Variants in STAT2 observed in about 807,000 individuals in gnomAD.
The protein encoded by STAT2 is interferon alpha induced transcriptional activator.
Under a neutral mutation model 122.3 loss-of-function variants are expected in STAT2, and 51 were observed. That is an observed-to-expected ratio of 0.42 (90% CI 0.33 to 0.53). The LOEUF (loss-of-function observed/expected upper bound fraction) is 0.53. Among genes scored for constraint, STAT2 ranks in the 20% least tolerant of loss-of-function variants. The pLI, the probability that STAT2 is intolerant of heterozygous loss-of-function variation, is 0.10. For missense variants in STAT2, 736 were observed against 1,010.3 expected, an observed-to-expected ratio of 0.73 and a Z score of 3.68; for synonymous variants, 351 against 394.9, an observed-to-expected ratio of 0.89 and a Z score of 1.32.
At chr12:56,349,974 G>A (rs1166233541) in intron 13 of STAT2, 123 bp downstream of exon 13, 10 of 836,282 alleles carry the variant, frequency 1.2e-5, no homozygotes, top group Middle Eastern at 4.8e-4. Flanking sequence ...GCTTGAACCC[G>A]GGAGGCGGAG....
Position 56,346,858 on chromosome 12 carries a change from C to T in STAT2, c.1822G>A (p.Gly608Arg). The T allele has an allele frequency of 6.2e-7, 1 of 1,614,186 alleles. No individual in the cohort carries two copies. The highest frequency in any genetic ancestry group is 8.5e-7 in the Non-Finnish European group (1 of 1,180,034). ...FLLRFSESSEGGITCSWVEHQ... is the reference protein window; with the variant it reads ...FLLRFSESSERGITCSWVEHQ... ...TCCACCCAGGAGCAGGTAATGCCCC[C>T]TTCTGACGATTCACTGAAGCGCAGT... The change falls in exon 20 of 24, where the codon GGG (glycine) becomes AGG (arginine). Residue 608 changes from glycine (G) to arginine (R), a missense_variant. Coordinates refer to ENST00000314128, the MANE Select transcript of STAT2 (RefSeq NM_005419.4).
At chr12:56,345,524 A>AAAT (rs1555169410) in intron 22 of STAT2, among the ~76,000 whole-genome samples, 4 of 26,248 alleles carry the variant, frequency 1.5e-4, no homozygotes, top group Admixed American at 5.4e-4. Flanking sequence ...AAAAAAAAAA[A>AAAT]ATATATATAT....
rs11575235 is a variant in STAT2, at chr12:56,350,451, A to T, written c.1095-19T>A. On this transcript the variant is annotated intron_variant, in intron 11 of 23. Coordinates refer to ENST00000314128, the MANE Select transcript of STAT2 (RefSeq NM_005419.4). ...AGGATTCCTGAAAAGAAATAAATTT[A>T]AAAAAATCATTGGGCAAAAGAGTAT... The T allele has an allele frequency of 2.0e-4, 316 of 1,595,184 alleles. 1 individual carries two copies. Among genetic ancestry groups the T allele is most frequent in the African/African-American group, 1.9e-4 (14 of 73,942 alleles).
rs201461349 is a variant in STAT2 at position 56,346,918 on chromosome 12, G to T, written c.1762C>A (p.Arg588=). The stretch of plus-strand genomic sequence containing the variant: ...CCAGACATGGTCTTCTTCAGCAGCC[G>T]GCGCTCCTGGCTCCGACTCACAAAG... ...MGFVSRSQER[R]LLKKTMSGTF... The change falls in exon 20 of 24, where the codon CGG becomes AGG. Residue 588 remains arginine, a synonymous_variant. Coordinates refer to ENST00000314128, the MANE Select transcript of STAT2 (RefSeq NM_005419.4). The T allele has an allele frequency of 1.2e-6, 2 of 1,614,136 alleles. No individual in the cohort carries two copies. Among genetic ancestry groups the T allele is most frequent in the Non-Finnish European group, 1.7e-6 (2 of 1,180,012 alleles).
chr12:56,354,486 C>T lies in STAT2; in HGVS notation c.762G>A (p.Gly254=). 1.9e-6 allele frequency: 3 copies of T among 1,614,204 alleles called. No homozygotes were observed. In the South Asian group the frequency reaches 3.3e-5, roughly 18 times the overall value. Residue 254 remains glycine, a synonymous_variant, in exon 8 of 24, where the codon GGG becomes GGA. Coordinates refer to ENST00000314128, the MANE Select transcript of STAT2 (RefSeq NM_005419.4). ...KACIRAPIDH[G]LEQLETWFTA... The stretch of plus-strand genomic sequence containing the variant: ...CTCACCATGTCTCCAGCTGTTCCAA[C>T]CCGTGGTCAATGGGAGCTCTGATGC...
Position 56,354,762 on chromosome 12 carries a change from G to A in STAT2, c.633+16C>T. On this transcript the variant is annotated intron_variant, in intron 7 of 23. Transcript: ENST00000314128. ...CAGGTCCTTGTTGCCCACATGTTCT[G>A]TCCTCTGTCTCCCACCTTTCTCCTT... 6.2e-7 allele frequency: 1 copy of A among 1,614,106 alleles called. No individual in the cohort carries two copies. The highest frequency in any genetic ancestry group is 1.3e-5 in the African/African-American group (1 of 75,048).
In STAT2 at chr12:56,355,230, C is replaced by T. The variant is rs746604176; in HGVS notation, c.547+46G>A. Reference sequence around the variant, plus strand: ...TCCTGTTCACTTCCAGCTCCGGCTTCTCAGCAGGCACTTATCTTTCTCCAG... The same window carrying T: ...TCCTGTTCACTTCCAGCTCCGGCTTTTCAGCAGGCACTTATCTTTCTCCAG... On this transcript the variant is annotated intron_variant, in intron 6 of 23. Transcript: ENST00000314128. 5 of 1,610,058 alleles carry T rather than the reference C, an allele frequency of 3.1e-6. No homozygotes were observed. In the African/African-American group the frequency reaches 6.7e-5, roughly 22 times the overall value.
chr12:56,346,414 A>C, intron 21 of STAT2, 28 bp downstream of exon 21: 2 of 1,613,182 alleles, frequency 1.2e-6, no homozygotes, highest in Non-Finnish European at 8.5e-7. Context: ...TCTGCAATCT[A>C]GCAATGAAGT....
intron 11 of STAT2, 24 bp from the exon 12 acceptor site, chr12:56,350,456 A>C (rs1159897769): frequency 6.3e-7 from 1 of 1,592,920 alleles, no homozygotes; most frequent in Non-Finnish European, 8.5e-7. Context: ...AATTTAAAAA[A>C]ATCATTGGGC....
chr12:56,355,835 A>T, intron 3 of STAT2, 32 bp from the exon 4 acceptor site: 1 of 1,596,204 alleles, frequency 6.3e-7, no homozygotes, highest in South Asian at 1.1e-5. Context: ...GATTGATCCA[A>T]TTCAACCACT....
chr12:56,343,384 G>T lies in STAT2; in HGVS notation c.*5C>A, dbSNP rs774412713. 6.7e-5 allele frequency: 108 copies of T among 1,611,620 alleles called. No individual in the cohort carries two copies. The highest frequency in any genetic ancestry group is 9.0e-5 in the Non-Finnish European group (106 of 1,178,580). ...GATATGAAAAGAACAGAGGAAATGT[G>T]GTTCCTAGAAGTCAGAAGGCATCAA... On this transcript the variant is annotated 3_prime_UTR_variant, in exon 24 of 24. Coordinates refer to ENST00000314128, the MANE Select transcript of STAT2 (RefSeq NM_005419.4).
intron 21 of STAT2, 109 bp from the exon 22 acceptor site, chr12:56,346,312 A>T (rs1877449775): frequency 6.4e-7 from 1 of 1,554,486 alleles, no homozygotes; most frequent in African/African-American, 1.4e-5. Flanking sequence ...AGTAACCAGC[A>T]GTATCCCATG....
At chr12:56,359,440 A>G (rs1037014904) in intron 1 of STAT2, among the ~76,000 whole-genome samples, 4 of 152,170 alleles carry the variant, frequency 2.6e-5, no homozygotes, top group African/African-American at 9.6e-5. Context: ...ATGAGGTCCC[A>G]ATTCTTGAGG....
Position 56,351,276 on chromosome 12 carries a change from T to C in STAT2, c.941+16A>G. The C allele has an allele frequency of 6.2e-7, 1 of 1,613,602 alleles. No individual in the cohort carries two copies. Among genetic ancestry groups the C allele is most frequent in the Non-Finnish European group, 8.5e-7 (1 of 1,179,708 alleles). On this transcript the variant is annotated intron_variant, in intron 9 of 23. Transcript: ENST00000314128. ...TGTTCCTTCTTTCCCCCAGGGTTCC[T>C]GCCTGGCCTCTAGACCTGTGGAGCA...
intron 8 of STAT2, among the ~76,000 whole-genome samples, chr12:56,353,302 T>A (rs1212690374): frequency 6.9e-6 from 1 of 144,664 alleles, no homozygotes; most frequent in Non-Finnish European, 1.5e-5. Context: ...AAAAAACAAA[T>A]TTTTTTTTTT....
rs560926706 is a variant in STAT2, at chr12:56,346,696, C to T, written c.1862-72G>A. 4.0e-4 allele frequency: 643 copies of T among 1,601,944 alleles called. 5 individuals are homozygous for T. In the African/African-American group the frequency reaches 7.6e-3, roughly 19 times the overall value. Reference sequence around the variant, plus strand: ...GCCTTGGAGCTCTCTGCTCTGGCTGCCCAGTCCCAAACCAGCTGAGGGATT... The same window carrying T: ...GCCTTGGAGCTCTCTGCTCTGGCTGTCCAGTCCCAAACCAGCTGAGGGATT... On this transcript the variant is annotated intron_variant, in intron 20 of 23. Coordinates refer to ENST00000314128, the MANE Select transcript of STAT2 (RefSeq NM_005419.4).
chr12:56,353,242 C>T (rs960067727), intron 8 of STAT2, among the ~76,000 whole-genome samples: 9 of 152,192 alleles, frequency 5.9e-5, no homozygotes, highest in African/African-American at 2.2e-4. Context: ...CCTTGGCCTC[C>T]CACAGTGCTG....
chr12:56,356,052 G>A (rs1344917268), intron 3 of STAT2, 80 bp downstream of exon 3: 1 of 1,541,918 alleles, frequency 6.5e-7, no homozygotes, highest in East Asian at 2.3e-5. Context: ...CCACCTCCAG[G>A]TACTATTCTA....
intron 18 of STAT2, 46 bp downstream of exon 18, chr12:56,348,706 G>A: frequency 6.2e-7 from 1 of 1,614,108 alleles, no homozygotes; most frequent in African/African-American, 1.3e-5. Context: ...GCCAGTATTT[G>A]GAATGTGGGC....
Sources: gnomAD v4.1 joint callset for allele counts (sites outside exome capture counted in the v4.1 genomes callset) on GRCh38, gnomAD v4.1.1 for gene constraint, MANE v1.5 for transcripts, NCBI Gene and HGNC (gene_info 2026-07-23, HGNC 2026-07-21) for gene names.